The following TUSC3 variants were observed in gnomAD, a reference collection of about 807,000 sequenced individuals.
The protein encoded by TUSC3 is dolichyl-diphosphooligosaccharide--protein glycosyltransferase subunit TUSC3.
In TUSC3, 45 loss-of-function variants were observed where a neutral mutation model predicts 44.8. That is an observed-to-expected ratio of 1.00 (90% CI 0.79 to 1.29). The LOEUF (loss-of-function observed/expected upper bound fraction) is 1.29. Ranked by LOEUF, TUSC3 falls within the 50% of genes most tolerant of loss-of-function variation. TUSC3 has a pLI of 0.00. For missense variants in TUSC3, 519 were observed against 437.9 expected (o/e 1.19, Z -1.65); for synonymous variants, 212 against 152.9 (o/e 1.39, Z -2.85).
At chr8:15,448,939 T>A (rs78884138) in intron 1 of TUSC3, among the ~76,000 whole-genome samples, 3,298 of 152,292 alleles carry the variant, frequency 0.022, 115 homozygotes, top group African/African-American at 0.075. Flanking sequence ...TTATTTTTTT[T>A]AATAAATTTA....
At chr8:15,818,993 G>A in the TUSC3 span, among the ~76,000 whole-genome samples, 1 of 152,128 alleles carries the variant, frequency 6.6e-6, no homozygotes. Context: ...GGAGGCTGAG[G>A]CAGGAGGATC....
intron 1 of TUSC3, among the ~76,000 whole-genome samples, chr8:15,458,135 A>C (rs1800286260): frequency 6.6e-6 from 1 of 152,154 alleles, no homozygotes; most frequent in South Asian, 2.1e-4. Flanking sequence ...GGTTATGTCT[A>C]GTGAGAGGAA....
the TUSC3 span, among the ~76,000 whole-genome samples, chr8:15,773,312 C>T: frequency 5.3e-5 from 8 of 152,124 alleles, no homozygotes; most frequent in African/African-American, 1.9e-4. Context: ...AATTGTATTT[C>T]TATATACTAG....
the TUSC3 span, among the ~76,000 whole-genome samples, chr8:15,850,770 C>T: frequency 0.66 from 101,040 of 152,106 alleles, 35,441 homozygotes; most frequent in Non-Finnish European, 0.78. Context: ...CTTAAAACGA[C>T]ATTGAAACCA....
intron 1 of TUSC3, among the ~76,000 whole-genome samples, chr8:15,616,507 G>A (rs1419190172): frequency 6.6e-6 from 1 of 152,246 alleles, no homozygotes; most frequent in African/African-American, 2.4e-5. Context: ...AACCTGGGAG[G>A]TGGAGGTTGT....
At chr8:15,460,565 C>T (rs554326639) in intron 1 of TUSC3, among the ~76,000 whole-genome samples, 2 of 152,076 alleles carry the variant, frequency 1.3e-5, no homozygotes, top group African/African-American at 2.4e-5. Flanking sequence ...TGGTTTTATT[C>T]CATTTGCTTT....
intron 1 of TUSC3, among the ~76,000 whole-genome samples, chr8:15,472,527 T>C (rs1243929537): frequency 6.6e-6 from 1 of 152,214 alleles, no homozygotes; most frequent in Non-Finnish European, 1.5e-5. Context: ...AAAACCTCTC[T>C]GGTCACCTCA....
chr8:15,810,592 G>C, the TUSC3 span, among the ~76,000 whole-genome samples: 3 of 152,012 alleles, frequency 2.0e-5, no homozygotes, highest in Admixed American at 6.6e-5. Flanking sequence ...GAGCCATGAT[G>C]GCACTACTGC....
chr8:15,650,596 A>G (rs1203551367), intron 2 of TUSC3, 101 bp from the exon 3 acceptor site: 4 of 935,884 alleles, frequency 4.3e-6, no homozygotes, highest in Non-Finnish European at 6.9e-6. Flanking sequence ...AGTCTGTACA[A>G]AAACTGGCCA....
intron 10 of TUSC3, among the ~76,000 whole-genome samples, chr8:15,761,888 T>C (rs1413486698): frequency 6.6e-6 from 1 of 152,140 alleles, no homozygotes; most frequent in East Asian, 1.9e-4. Flanking sequence ...GTGAGAACTA[T>C]TATACTGTTA....
intron 2 of TUSC3, among the ~76,000 whole-genome samples, chr8:15,634,658 A>T (rs561428688): frequency 1.2e-4 from 18 of 152,306 alleles, no homozygotes; most frequent in African/African-American, 4.3e-4. Flanking sequence ...GAAGTCTTCA[A>T]AGGTGGTTCT....
chr8:15,781,769 A>ATT, the TUSC3 span, among the ~76,000 whole-genome samples: 2 of 149,330 alleles, frequency 1.3e-5, no homozygotes, highest in African/African-American at 5.2e-5. Context: ...TGAAGAGGAA[A>ATT]TAATGCTTCC....
the TUSC3 span, chr8:15,806,682 G>A: frequency 4.2e-6 from 4 of 959,040 alleles, no homozygotes; most frequent in Admixed American, 1.8e-5. Context: ...CCTTTCCCAT[G>A]GATACATTTG....
At chr8:15,819,803 T>A in the TUSC3 span, among the ~76,000 whole-genome samples, 1 of 152,206 alleles carries the variant, frequency 6.6e-6, no homozygotes, top group Non-Finnish European at 1.5e-5. Flanking sequence ...AATGTGGGCA[T>A]TCTAGAAAGG....
chr8:15,444,811 G>A (rs1400683136), intron 1 of TUSC3, among the ~76,000 whole-genome samples: 3 of 152,132 alleles, frequency 2.0e-5, no homozygotes, highest in Non-Finnish European at 4.4e-5. Flanking sequence ...ATGGTGACCA[G>A]TGAGGCAAGT....
chr8:15,535,472 C>T (rs952000031), upstream of TUSC3, among the ~76,000 whole-genome samples: 1 of 152,078 alleles, frequency 6.6e-6, no homozygotes, highest in Non-Finnish European at 1.5e-5. Context: ...CTAAAAGGTG[C>T]AGAAAACAAA....
intron 1 of TUSC3, among the ~76,000 whole-genome samples, chr8:15,457,789 T>C (rs1800277406): frequency 6.8e-6 from 1 of 146,178 alleles, no homozygotes; most frequent in Admixed American, 7.0e-5. Context: ...AATTAGATTA[T>C]CTAATCTAAA....
chr8:15,587,204 T>A (rs1189225868), intron 1 of TUSC3, among the ~76,000 whole-genome samples: 1 of 152,186 alleles, frequency 6.6e-6, no homozygotes, highest in East Asian at 1.9e-4. Flanking sequence ...GGCACAGAAC[T>A]GAAACTAATG....
chr8:15,509,229 T>C (rs1028843535), intron 2 of TUSC3, among the ~76,000 whole-genome samples: 3 of 152,234 alleles, frequency 2.0e-5, no homozygotes, highest in African/African-American at 7.2e-5. Flanking sequence ...TTTTCTTCTT[T>C]CTTGATGCTC....
Sources: allele counts gnomAD v4.1 joint callset (sites outside exome capture counted in the v4.1 genomes callset), GRCh38; gene constraint gnomAD v4.1.1; transcripts MANE v1.5; gene names NCBI Gene and HGNC (gene_info 2026-07-23, HGNC 2026-07-21).